The following UBXN6 variants were observed in gnomAD, a reference collection of about 807,000 sequenced individuals.
UBXN6 encodes the protein UBX domain protein 6, also known as UBX domain-containing protein 6.
UBXN6 carries 44 observed loss-of-function variants against 51.4 expected under a neutral mutation model. The ratio of observed to expected loss-of-function variants is 0.86; its 90% CI spans 0.67 to 1.10. The LOEUF is 1.10. UBXN6 is among the 50% of genes least tolerant of loss of function. The probability of loss-of-function intolerance (pLI) is 0.00; values close to 1 mark genes in which losing one functional copy is unlikely to be tolerated. For synonymous variants in UBXN6, 316 were observed against 263.2 expected, an observed-to-expected ratio of 1.20 and a Z score of -1.94; for missense variants, 672 against 596.1, an observed-to-expected ratio of 1.13 and a Z score of -1.32.
At chr19:4,449,262 G>A (rs995439943) in intron 4 of UBXN6, 9 of 152,354 alleles carry the variant, frequency 5.9e-5, no homozygotes, top group African/African-American at 1.4e-4. Context: ...AGACGAGGGC[G>A]GGTGAACAGA....
chr19:4,451,904 C>T (rs925559740), intron 4 of UBXN6, among the ~76,000 whole-genome samples: 6 of 152,068 alleles, frequency 3.9e-5, no homozygotes, highest in African/African-American at 1.4e-4. Context: ...AATCCTAGCA[C>T]TTTGGGAGGC....
Position 4,446,574 on chromosome 19 carries a change from CA to C in UBXN6, c.845del (p.Leu282ArgfsTer33), listed in dbSNP as rs1568188684. ...CCCCAGGCAGTTCGAACTGCGAGGCCAGGGGCGAGGGCTGGAAGACGCGGCG... is the reference window on the plus strand; with the variant it reads ...CCCCAGGCAGTTCGAACTGCGAGGCCGGGGCGAGGGCTGGAAGACGCGGCG... Reference protein sequence around the residue: ...RQRRVFQPSPLASQFELPGDF... With the variant: ...RQRRVFQPSPXASQFELPGDF... On this transcript the variant is annotated frameshift_variant, in exon 8 of 11. Transcript: ENST00000301281. LOFTEE classifies it high-confidence loss of function. 1 of 1,612,612 alleles carries C rather than the reference CA, an allele frequency of 6.2e-7. No homozygotes were observed. The highest frequency in any genetic ancestry group is 2.2e-5 in the East Asian group (1 of 44,872).
At chr19:4,456,179 G>A (rs1191001307) in intron 1 of UBXN6, among the ~76,000 whole-genome samples, 3 of 151,344 alleles carry the variant, frequency 2.0e-5, no homozygotes, top group Non-Finnish European at 4.4e-5. Context: ...CCGATACCCT[G>A]CATCCTTCCT....
Position 4,447,233 on chromosome 19 carries a change from C to T in UBXN6, c.616-313G>A, listed in dbSNP as rs192780984. On this transcript the variant is annotated intron_variant, in intron 6 of 10. Transcript: ENST00000301281. ...GGACCCCAGTCCCTGCCCTTTCCCC[C>T]AGAAGAACCAGACATCTGGTTTGCA... 319 of 572,128 alleles carry T rather than the reference C, an allele frequency of 5.6e-4. 2 individuals are homozygous for T. The highest frequency in any genetic ancestry group is 5.0e-3 in the African/African-American group (268 of 53,498). 35.4% of individuals were successfully genotyped at this position (572,128 alleles called of 1,614,324 possible).
chr19:4,446,706 C>T lies in UBXN6; in HGVS notation c.714G>A (p.Glu238=), dbSNP rs776470883. The change falls in exon 8 of 11, where the codon GAG becomes GAA. Residue 238 remains glutamate, a synonymous_variant. Coordinates refer to ENST00000301281, the MANE Select transcript of UBXN6 (RefSeq NM_025241.3). ...AGGTGGTCTCGCTCAGCACGTAGAACTCCTCGGGGTCCTCTACAGCGTGGC... is the reference window on the plus strand; with the variant it reads ...AGGTGGTCTCGCTCAGCACGTAGAATTCCTCGGGGTCCTCTACAGCGTGGC... ...LPAQDQEDPE[E]FYVLSETTLA... 1.2e-6 allele frequency: 2 copies of T among 1,609,436 alleles called. No individual in the cohort carries two copies. The highest frequency in any genetic ancestry group is 1.7e-6 in the Non-Finnish European group (2 of 1,177,206).
At chr19:4,447,025 C>G (rs1170844901) in intron 6 of UBXN6, 105 bp from the exon 7 acceptor site, 5 of 1,178,076 alleles carry the variant, frequency 4.2e-6, no homozygotes, top group Admixed American at 2.1e-5. Flanking sequence ...GAGCAGCTGT[C>G]GACCCCTGGA....
intron 5 of UBXN6, 117 bp downstream of exon 5, chr19:4,448,201 T>A (rs1974578623): frequency 1.1e-6 from 1 of 949,608 alleles, no homozygotes; most frequent in Non-Finnish European, 1.6e-6. Context: ...CGGCCTATGC[T>A]CCTTCCCAAC....
chr19:4,447,081 T>C, intron 6 of UBXN6, 161 bp from the exon 7 acceptor site: 3 of 654,914 alleles, frequency 4.6e-6, no homozygotes, highest in Non-Finnish European at 7.9e-6. Flanking sequence ...GCAAACCTGC[T>C]TTTCTACGGT....
intron 1 of UBXN6, among the ~76,000 whole-genome samples, chr19:4,455,803 G>A (rs541209422): frequency 7.9e-5 from 12 of 152,082 alleles, no homozygotes; most frequent in Non-Finnish European, 1.6e-4. Flanking sequence ...AGAGAAGGAG[G>A]GGCAGATTTC....
intron 9 of UBXN6, 35 bp from the exon 10 acceptor site, chr19:4,446,232 A>T: frequency 6.3e-7 from 1 of 1,577,792 alleles, no homozygotes. Context: ...GGTGGGGCCC[A>T]GGGCCCCCTA....
At chr19:4,449,839 C>T (rs920832354) in intron 4 of UBXN6, 1 of 152,036 alleles carries the variant, frequency 6.6e-6, no homozygotes, top group African/African-American at 2.4e-5. Flanking sequence ...AAAAAAATTA[C>T]ATCAGCTCCA....
At chr19:4,452,224 G>GT in intron 4 of UBXN6, 140 bp downstream of exon 4, 1 of 1,199,746 alleles carries the variant, frequency 8.3e-7, no homozygotes, top group Non-Finnish European at 1.2e-6. Flanking sequence ...TGGATTTGGG[G>GT]TATCAGAGGA....
Position 4,447,553 on chromosome 19 carries a change from A to C in UBXN6, c.612T>G (p.Phe204Leu), listed in dbSNP as rs752067512. The change falls in exon 6 of 11, where the codon TTT becomes TTG. Residue 204 changes from phenylalanine to leucine, a missense_variant. By Grantham distance (22) the Phe-to-Leu change is conservative (BLOSUM62 0). Transcript: ENST00000301281. ...YRKIKLQNKV[F>L]QERINCLEGT... ...GGGGGCCAGAAGGCACGCCCACCTG[A>C]AACACCTTGTTCTGCAGCTTGATCT... is the stretch of plus-strand genomic sequence containing the variant. 1 of 1,613,480 alleles carries C rather than the reference A, an allele frequency of 6.2e-7. No individual in the cohort carries two copies. The highest frequency in any genetic ancestry group is 8.5e-7 in the Non-Finnish European group (1 of 1,179,790).
In UBXN6 at chr19:4,445,361, C is replaced by T. The variant is rs996973102; in HGVS notation, c.*137G>A. 67 of 1,433,546 alleles carry T rather than the reference C, an allele frequency of 4.7e-5. No homozygotes were observed. In the East Asian group the frequency reaches 1.2e-3, roughly 25 times the overall value. The allele number at this position is 1,433,546 out of a possible 1,614,324, so 88.8% of individuals were successfully genotyped here. On this transcript the variant is annotated 3_prime_UTR_variant, in exon 11 of 11. Coordinates refer to ENST00000301281, the MANE Select transcript of UBXN6 (RefSeq NM_025241.3). ...CACGGGGCCCAATTCCACAGCTCCA[C>T]GGCTGGCGCCCCTCCCGTGCCCATG...
chr19:4,457,850 T>G (rs1350466977), upstream of UBXN6: 9 of 467,238 alleles, frequency 1.9e-5, no homozygotes, highest in East Asian at 4.5e-4. Context: ...AAGTCCCGCC[T>G]TCCCCTGGCC....
At chr19:4,452,220 TGGG>T in intron 4 of UBXN6, 141 bp downstream of exon 4, 2 of 1,149,882 alleles carry the variant, frequency 1.7e-6, no homozygotes, top group Non-Finnish European at 2.4e-6. Context: ...TGCCTGGATT[TGGG>T]GTATCAGAGG....
chr19:4,446,340 G>A lies in UBXN6; in HGVS notation c.994C>T (p.Arg332Cys), dbSNP rs370108620. ...MREKEEQRGL[R>C]KYNYTLLRVR... ...CGCAGCAGCGTGTAGTTGTACTTGC[G>A]CAGCCCCCGCTGCTCCTCCTTCTCC... The change falls in exon 9 of 11, where the codon CGC (arginine) becomes TGC (cysteine). Residue 332 changes from arginine to cysteine, a missense_variant. By Grantham distance (180) the Arg-to-Cys change is radical. Coordinates refer to ENST00000301281, the MANE Select transcript of UBXN6 (RefSeq NM_025241.3). 240 of 1,569,708 alleles carry A rather than the reference G, an allele frequency of 1.5e-4. No individual in the cohort carries two copies. Among genetic ancestry groups the A allele is most frequent in the Non-Finnish European group, 4.6e-5 (54 of 1,164,052 alleles).
At chr19:4,455,302 G>A (rs1974725571) in intron 1 of UBXN6, 1 of 985,362 alleles carries the variant, frequency 1.0e-6, no homozygotes. Flanking sequence ...ATACTCCTCT[G>A]GCTCTGCTTA....
intron 1 of UBXN6, chr19:4,455,226 G>T (rs1432529438): frequency 3.0e-6 from 3 of 985,408 alleles, no homozygotes; most frequent in Admixed American, 6.1e-5. Flanking sequence ...CTTACGGGCT[G>T]TGTCAATTTC....
Sources: gnomAD v4.1 joint callset for allele counts (sites outside exome capture counted in the v4.1 genomes callset) on GRCh38, gnomAD v4.1.1 for gene constraint, MANE v1.5 for transcripts, NCBI Gene and HGNC (gene_info 2026-07-23, HGNC 2026-07-21) for gene names.